EGFR: variants seen among roughly 807,000 people sequenced by gnomAD.
EGFR encodes avian erythroblastic leukemia viral (v-erb-b) oncogene homolog.
EGFR carries 58 observed loss-of-function variants against 143.0 expected under a neutral mutation model. The observed-to-expected ratio is 0.41, with a 90% CI of 0.33 to 0.50. The LOEUF is 0.50. Ranked by LOEUF, EGFR falls within the 20% of genes least tolerant of loss-of-function variation. EGFR has a pLI of 0.39. For synonymous variants in EGFR, 613 were observed against 594.4 expected, an observed-to-expected ratio of 1.03 and a Z score of -0.45; for missense variants, 1,307 against 1,579.0, an observed-to-expected ratio of 0.83 and a Z score of 2.92.
chr7:55,132,525 G>A (rs555303330), intron 1 of EGFR, among the ~76,000 whole-genome samples: 18 of 152,330 alleles, frequency 1.2e-4, no homozygotes, highest in African/African-American at 3.8e-4. Context: ...TGTATTTTAC[G>A]TATGGTGAAG....
intron 15 of EGFR, among the ~76,000 whole-genome samples, chr7:55,165,694 A>G (rs1785943269): frequency 6.6e-6 from 1 of 152,192 alleles, no homozygotes; most frequent in Non-Finnish European, 1.5e-5. Flanking sequence ...ACAGGAGGGT[A>G]GGGGGACAAA....
intron 1 of EGFR, among the ~76,000 whole-genome samples, chr7:55,021,419 T>A (rs1786559972): frequency 6.6e-6 from 1 of 152,252 alleles, no homozygotes; most frequent in Non-Finnish European, 1.5e-5. Flanking sequence ...TCTTTGATGT[T>A]ACTTGTTTGA....
intron 20 of EGFR, among the ~76,000 whole-genome samples, chr7:55,183,232 T>C (rs763809364): frequency 2.0e-5 from 3 of 152,184 alleles, no homozygotes; most frequent in African/African-American, 7.2e-5. Context: ...TGAAAATTGC[T>C]AAGAGAGTCT....
intron 1 of EGFR, among the ~76,000 whole-genome samples, chr7:55,069,049 AG>A (rs1436663426): frequency 1.3e-5 from 2 of 152,234 alleles, no homozygotes; most frequent in African/African-American, 2.4e-5. Flanking sequence ...ATGATACTCA[AG>A]TCTTCTTACA....
At chr7:55,039,741 C>G (rs997377238) in intron 1 of EGFR, among the ~76,000 whole-genome samples, 1 of 152,138 alleles carries the variant, frequency 6.6e-6, no homozygotes, top group African/African-American at 2.4e-5. Context: ...CCACATTTTC[C>G]TGGGCTGTCA....
At chr7:55,138,949 G>T (rs942726527) in intron 1 of EGFR, among the ~76,000 whole-genome samples, 7 of 152,150 alleles carry the variant, frequency 4.6e-5, no homozygotes, top group African/African-American at 1.7e-4. Flanking sequence ...AAGAGAAAAA[G>T]CGGGTTTAAC....
chr7:55,180,206 C>A (rs1432179058), intron 19 of EGFR: 2 of 152,270 alleles, frequency 1.3e-5, no homozygotes, highest in Non-Finnish European at 2.9e-5. Context: ...ATGTGAAAAG[C>A]AGCTGTGGAT....
At chr7:55,194,420 GT>G (rs1482535081) in intron 22 of EGFR, among the ~76,000 whole-genome samples, 6 of 151,894 alleles carry the variant, frequency 4.0e-5, no homozygotes, top group Non-Finnish European at 7.4e-5. Flanking sequence ...TTGAGACAGG[GT>G]TTCACTATGT....
rs749455177 is a variant in EGFR at position 55,192,735 on chromosome 7, G to T, written c.2626-31G>T. 57 of 1,596,244 alleles carry T rather than the reference G, an allele frequency of 3.6e-5. No individual in the cohort carries two copies. In the Admixed American group the frequency reaches 8.8e-4, roughly 25 times the overall value. On this transcript the variant is annotated intron_variant, in intron 21 of 27. Transcript: ENST00000275493. ...TTCCAACAGAGGGAAACTAATAGTT[G>T]TCTCACTGCCTCATCTCTCACCATC...
At chr7:55,069,813 A>G (rs1025708658) in intron 1 of EGFR, among the ~76,000 whole-genome samples, 1 of 152,170 alleles carries the variant, frequency 6.6e-6, no homozygotes, top group Non-Finnish European at 1.5e-5. Flanking sequence ...GAACCCCCAT[A>G]GTTACCTAAC....
chr7:55,086,518 A>C (rs1384731203), intron 1 of EGFR, among the ~76,000 whole-genome samples: 1 of 152,164 alleles, frequency 6.6e-6, no homozygotes, highest in South Asian at 2.1e-4. Flanking sequence ...CTGCAGGGTG[A>C]CTTTTTTTCT....
rs577672719 is a variant in EGFR, at chr7:55,206,465, T to C, written c.*848T>C. ...ATAATAACTCGGATTCCAGCCCACATTGGATTCATCAGCATTTGGACCAAT... is the reference window on the plus strand; with the variant it reads ...ATAATAACTCGGATTCCAGCCCACACTGGATTCATCAGCATTTGGACCAAT... On this transcript the variant is annotated 3_prime_UTR_variant, in exon 28 of 28. Coordinates refer to ENST00000275493, the MANE Select transcript of EGFR (RefSeq NM_005228.5). 103 of 233,310 alleles carry C rather than the reference T, an allele frequency of 4.4e-4. 2 individuals are homozygous for C. The highest frequency in any genetic ancestry group is 1.3e-3 in the African/African-American group (59 of 45,434). 14.5% of individuals were successfully genotyped at this position (233,310 alleles called of 1,614,324 possible). A position where few individuals can be genotyped will look rare whatever the true frequency, so the allele number is the denominator to read the frequency against.
intron 20 of EGFR, among the ~76,000 whole-genome samples, chr7:55,186,737 G>A (rs1046170511): frequency 6.6e-6 from 1 of 152,154 alleles, no homozygotes; most frequent in African/African-American, 2.4e-5. Context: ...AGCATCACAT[G>A]AAATACATAT....
rs1435596683 is a variant in EGFR at position 55,142,444 on chromosome 7, G to A, written c.240+7G>A. 6.2e-7 allele frequency: 1 copy of A among 1,613,770 alleles called. No homozygotes were observed. Among genetic ancestry groups the A allele is most frequent in the East Asian group, 2.2e-5 (1 of 44,888 alleles). On this transcript the variant is annotated splice_region_variant and intron_variant, in intron 2 of 27. Coordinates refer to ENST00000275493, the MANE Select transcript of EGFR (RefSeq NM_005228.5). ...TGATCTTTCCTTCTTAAAGGTTGGT[G>A]ACTTTGATTTTCCTACACAAATAAA...
At chr7:55,099,315 C>G (rs1791667031) in intron 1 of EGFR, among the ~76,000 whole-genome samples, 1 of 152,158 alleles carries the variant, frequency 6.6e-6, no homozygotes, top group Non-Finnish European at 1.5e-5. Flanking sequence ...AGCCATCTGA[C>G]TTGTTTTGCT....
chr7:55,081,502 G>T (rs752113488), intron 1 of EGFR, among the ~76,000 whole-genome samples: 3 of 152,176 alleles, frequency 2.0e-5, no homozygotes, highest in Non-Finnish European at 2.9e-5. Flanking sequence ...AGCCTGAGAT[G>T]CCTGAGCTGA....
At chr7:55,139,817 TAAACA>T (rs1794358937) in intron 1 of EGFR, among the ~76,000 whole-genome samples, 1 of 152,180 alleles carries the variant, frequency 6.6e-6, no homozygotes, top group Admixed American at 6.5e-5. Context: ...CTTACTTGTT[TAAACA>T]AATTGTCCAG....
At chr7:55,126,412 A>C (rs1469706155) in intron 1 of EGFR, among the ~76,000 whole-genome samples, 1 of 152,240 alleles carries the variant, frequency 6.6e-6, no homozygotes, top group African/African-American at 2.4e-5. Context: ...CCTTGCAACA[A>C]TCCACGAGGG....
intron 1 of EGFR, among the ~76,000 whole-genome samples, chr7:55,114,281 C>T (rs1156513990): frequency 6.6e-6 from 1 of 152,116 alleles, no homozygotes; most frequent in African/African-American, 2.4e-5. Context: ...GTAGCTCATA[C>T]CTATAATCCC....
Sources: allele counts gnomAD v4.1 joint callset (sites outside exome capture counted in the v4.1 genomes callset), GRCh38; gene constraint gnomAD v4.1.1; transcripts MANE v1.5; gene names NCBI Gene and HGNC (gene_info 2026-07-23, HGNC 2026-07-21).